Variants in OR2J3 observed in about 807,000 individuals in gnomAD.
OR2J3 encodes olfactory receptor 2J3.
OR2J3 carries 13 observed loss-of-function variants against 18.5 expected under a neutral mutation model. The ratio of observed to expected loss-of-function variants is 0.70; its 90% CI spans 0.46 to 1.12. The LOEUF (loss-of-function observed/expected upper bound fraction) is 1.12, where lower values mean the gene tolerates loss of function less well. OR2J3 is among the 50% of genes most tolerant of loss of function. The probability of loss-of-function intolerance (pLI) is 0.00; values close to 1 mark genes in which losing one functional copy is unlikely to be tolerated. For missense variants in OR2J3, 321 were observed against 371.6 expected (o/e 0.86, Z 1.12); for synonymous variants, 142 against 140.6 (o/e 1.01, Z -0.07).
In OR2J3 at chr6:29,113,010, A is replaced by G; in HGVS notation, c.*184A>G. On this transcript the variant is annotated 3_prime_UTR_variant, in exon 4 of 4. Coordinates refer to ENST00000641151, the MANE Select transcript of OR2J3 (RefSeq NM_001005216.4). Reference sequence around the variant, plus strand: ...ATAAAACACAGTCAGCCTAAATACCATTCACTTGTGGAGAAAACAGCTATG... The same window carrying G: ...ATAAAACACAGTCAGCCTAAATACCGTTCACTTGTGGAGAAAACAGCTATG... The G allele has an allele frequency of 1.6e-6, 1 of 643,094 alleles. No individual in the cohort carries two copies. The highest frequency in any genetic ancestry group is 2.6e-6 in the Non-Finnish European group (1 of 389,814). The allele number at this position is 643,094 out of a possible 1,614,324, so 39.8% of individuals were successfully genotyped here.
In OR2J3 at chr6:29,113,082, A is replaced by C; in HGVS notation, c.*256A>C. On this transcript the variant is annotated 3_prime_UTR_variant, in exon 4 of 4. Coordinates refer to ENST00000641151, the MANE Select transcript of OR2J3 (RefSeq NM_001005216.4). ...ATAGTGATGTTTTTCCATGGTACAA[A>C]CCTAATGTATCCAAGACAGACATTT... 2.2e-6 allele frequency: 1 copy of C among 452,406 alleles called. No homozygotes were observed. The highest frequency in any genetic ancestry group is 3.9e-6 in the Non-Finnish European group (1 of 257,788). The allele number at this position is 452,406 out of a possible 1,614,324, so 28.0% of individuals were successfully genotyped here. A position where few individuals can be genotyped will look rare whatever the true frequency, so the allele number is the denominator to read the frequency against.
rs1467986340 is a variant in OR2J3, at chr6:29,113,880, G to T, written c.*1054G>T. ...ATATTATTGTCAACCATCTTCGTTT[G>T]AAATAATTGCGCTATACCTAGAGCA... On this transcript the variant is annotated 3_prime_UTR_variant, in exon 4 of 4. Transcript: ENST00000641151. The T allele has an allele frequency of 1.3e-5, 2 of 152,028 alleles. No individual in the cohort carries two copies. The highest frequency in any genetic ancestry group is 6.6e-5 in the Admixed American group (1 of 15,254). 9.4% of individuals were successfully genotyped at this position (152,028 alleles called of 1,614,324 possible).
intron 3 of OR2J3, among the ~76,000 whole-genome samples, chr6:29,109,085 T>C (rs117029999): frequency 6.6e-6 from 1 of 152,308 alleles, no homozygotes; most frequent in East Asian, 1.9e-4. Flanking sequence ...TGTTCATATT[T>C]CTCATGATGT....
rs749282779 is a variant in OR2J3 at position 29,112,277 on chromosome 6, G to C, written c.387G>C (p.Val129=). ...VVMSYDRYAA[V]CRPLHYTVLM... is the part of the protein sequence containing the mutation. ...TGTCCTATGACCGTTATGCAGCTGT[G>C]TGTAGACCTTTGCATTACACTGTCC... Residue 129 remains valine, a synonymous_variant, in exon 4 of 4, where the codon GTG becomes GTC. Coordinates refer to ENST00000641151, the MANE Select transcript of OR2J3 (RefSeq NM_001005216.4). 1.9e-6 allele frequency: 3 copies of C among 1,613,974 alleles called. No homozygotes were observed. Among genetic ancestry groups the C allele is most frequent in the Non-Finnish European group, 2.5e-6 (3 of 1,180,030 alleles).
At chr6:29,109,236 A>G (rs961167895) in intron 3 of OR2J3, among the ~76,000 whole-genome samples, 1 of 152,190 alleles carries the variant, frequency 6.6e-6, no homozygotes, top group African/African-American at 2.4e-5. Flanking sequence ...TATAGCTTTT[A>G]AAATTTTCTT....
At chr6:29,111,056 A>G (rs1312518568) in intron 3 of OR2J3, among the ~76,000 whole-genome samples, 1 of 152,176 alleles carries the variant, frequency 6.6e-6, no homozygotes, top group African/African-American at 2.4e-5. Context: ...TATGGGCACA[A>G]TATTATTATC....
chr6:29,110,400 A>G (rs1762081084), intron 3 of OR2J3, among the ~76,000 whole-genome samples: 1 of 152,180 alleles, frequency 6.6e-6, no homozygotes, highest in Admixed American at 6.6e-5. Flanking sequence ...ACTAAATTCA[A>G]TATTTTCCAC....
At chr6:29,109,045 C>T (rs1762028486) in intron 3 of OR2J3, among the ~76,000 whole-genome samples, 170 bp downstream of exon 3, 1 of 152,150 alleles carries the variant, frequency 6.6e-6, no homozygotes, top group South Asian at 2.1e-4. Flanking sequence ...AAAATTTTAT[C>T]TGCATGAGAG....
intron 3 of OR2J3, among the ~76,000 whole-genome samples, chr6:29,110,865 A>G (rs1051328349): frequency 7.7e-6 from 1 of 130,716 alleles, no homozygotes; most frequent in Non-Finnish European, 1.5e-5. Flanking sequence ...TTATCTATCT[A>G]TCTATCTATC....
intron 3 of OR2J3, among the ~76,000 whole-genome samples, chr6:29,110,195 TGTTCTCCCCAGATTTTTAGCTTA>T (rs1210148763): frequency 8.5e-5 from 13 of 152,356 alleles, no homozygotes; most frequent in African/African-American, 2.9e-4. Flanking sequence ...ATTCTATCAC[TGTTCTCCCCAGATTTTTAGCTTA>T]GTTCGTATCA....
At chr6:29,109,968 T>G (rs188199486) in intron 3 of OR2J3, among the ~76,000 whole-genome samples, 35 of 152,288 alleles carry the variant, frequency 2.3e-4, no homozygotes, top group African/African-American at 7.9e-4. Context: ...AAATACATCA[T>G]GTAGAAACCT....
chr6:29,109,513 T>C (rs1034626537), intron 3 of OR2J3: 26 of 152,234 alleles, frequency 1.7e-4, no homozygotes, highest in African/African-American at 6.0e-4. Flanking sequence ...CAATCACAGG[T>C]GGCCCCACAA....
In OR2J3 at chr6:29,112,482, A is replaced by G; in HGVS notation, c.592A>G (p.Asn198Asp). 1.2e-6 allele frequency: 2 copies of G among 1,614,082 alleles called. No individual in the cohort carries two copies. ...LRLSCVDTHV[N>D]ELTLMITSSI... ...ATTATCGTGTGTTGATACCCATGTCAATGAGCTGACCCTCATGATCACAAG... is the reference window on the plus strand; with the variant it reads ...ATTATCGTGTGTTGATACCCATGTCGATGAGCTGACCCTCATGATCACAAG... Residue 198 changes from asparagine (N) to aspartate (D), a missense_variant, in exon 4 of 4, where the codon AAT becomes GAT. Physicochemically the swap from Asn to Asp is conservative, Grantham distance 23. Coordinates refer to ENST00000641151, the MANE Select transcript of OR2J3 (RefSeq NM_001005216.4).
At chr6:29,108,902 T>C (rs1452863387) in intron 3 of OR2J3, 27 bp downstream of exon 3, 1 of 152,218 alleles carries the variant, frequency 6.6e-6, no homozygotes, top group Non-Finnish European at 1.5e-5. Context: ...TTGCTTCTTA[T>C]CTCATATCTC....
chr6:29,112,215 G>T lies in OR2J3; in HGVS notation c.325G>T (p.Ala109Ser), dbSNP rs201612570. 1.3e-6 allele frequency: 2 copies of T among 1,585,864 alleles called. No homozygotes were observed. The highest frequency in any genetic ancestry group is 2.2e-5 in the South Asian group (2 of 90,432). ...GCMIQLYFVL[A>S]LGTTECVLLV... ...CATGATTCAACTTTACTTTGTTCTC[G>T]CACTGGGAACCACAGAGTGTGTCCT... Residue 109 changes from alanine to serine, a missense_variant, in exon 4 of 4, where the codon GCA becomes TCA. By Grantham distance (99) the Ala-to-Ser change is moderately conservative. Transcript: ENST00000641151.
At position 29,112,328 on chromosome 6, in the gene OR2J3, G is replaced by A. The variant is rs1473923260; in HGVS notation, c.438G>A (p.Leu146=). ...TVLMHPRFCH[L]LAVASWVSGF... ...TCATGCACCCTCGTTTCTGCCACCT[G>A]CTGGCTGTGGCTTCTTGGGTAAGTG... Residue 146 remains leucine (L), a synonymous_variant, in exon 4 of 4, where the codon CTG becomes CTA. Transcript: ENST00000641151. 2.5e-6 allele frequency: 4 copies of A among 1,614,042 alleles called. No individual in the cohort carries two copies. Among genetic ancestry groups the A allele is most frequent in the Non-Finnish European group, 3.4e-6 (4 of 1,180,042 alleles).
At position 29,111,776 on chromosome 6, in the gene OR2J3, G is replaced by A. The variant is rs1762132814; in HGVS notation, c.-10-105G>A. On this transcript the variant is annotated intron_variant, in intron 3 of 3. Coordinates refer to ENST00000641151, the MANE Select transcript of OR2J3 (RefSeq NM_001005216.4). ...TTAAATTGTCCTACAATTAAATGAT[G>A]GCAAGCCCTTCAAACTGGCTTTTAT... 4 of 978,276 alleles carry A rather than the reference G, an allele frequency of 4.1e-6. No individual in the cohort carries two copies. In the South Asian group the frequency reaches 6.7e-5, roughly 16 times the overall value. 60.6% of individuals were successfully genotyped at this position (978,276 alleles called of 1,614,324 possible).
At chr6:29,108,794 TG>T (rs1015330267) in intron 2 of OR2J3, 29 bp from the exon 3 acceptor site, 2 of 152,230 alleles carry the variant, frequency 1.3e-5, no homozygotes, top group African/African-American at 4.8e-5. Context: ...TTTTAACTTT[TG>T]ATAAGGCTTT....
In OR2J3 at chr6:29,112,265, T is replaced by C. The variant is rs770361074; in HGVS notation, c.375T>C (p.Arg125=). The C allele has an allele frequency of 5.0e-6, 8 of 1,614,008 alleles. No individual in the cohort carries two copies. Among genetic ancestry groups the C allele is most frequent in the African/African-American group, 1.3e-5 (1 of 74,910 alleles). ...CVLLVVMSYD[R]YAAVCRPLHY... is the part of the protein sequence containing the mutation. Reference sequence around the variant, plus strand: ...TACTGGTGGTGATGTCCTATGACCGTTATGCAGCTGTGTGTAGACCTTTGC... The same window carrying C: ...TACTGGTGGTGATGTCCTATGACCGCTATGCAGCTGTGTGTAGACCTTTGC... The change falls in exon 4 of 4, where the codon CGT becomes CGC. Residue 125 remains arginine (R), a synonymous_variant. Transcript: ENST00000641151.
Sources: allele counts gnomAD v4.1 joint callset (sites outside exome capture counted in the v4.1 genomes callset), GRCh38; gene constraint gnomAD v4.1.1; transcripts MANE v1.5; gene names NCBI Gene and HGNC (gene_info 2026-07-23, HGNC 2026-07-21).